The following NRIP1 variants were observed in gnomAD, a reference collection of about 807,000 sequenced individuals.
NRIP1 encodes the protein nuclear receptor interacting protein 1.
NRIP1 carries 28 observed loss-of-function variants against 75.0 expected under a neutral mutation model. The ratio of observed to expected loss-of-function variants is 0.37; its 90% CI spans 0.28 to 0.51. The LOEUF (loss-of-function observed/expected upper bound fraction) is 0.51, where lower values mean the gene tolerates loss of function less well. Ranked by LOEUF, NRIP1 falls within the 20% of genes least tolerant of loss-of-function variation. The probability of loss-of-function intolerance (pLI) is 0.92; values close to 1 mark genes in which losing one functional copy is unlikely to be tolerated. For missense variants in NRIP1, 1,435 were observed against 1,343.7 expected, an observed-to-expected ratio of 1.07 and a Z score of -1.06; for synonymous variants, 526 against 487.6, an observed-to-expected ratio of 1.08 and a Z score of -1.04.
chr21:14,978,120 T>G (rs531478652), intron 3 of NRIP1, among the ~76,000 whole-genome samples: 107 of 152,310 alleles, frequency 7.0e-4, no homozygotes, highest in African/African-American at 2.5e-3. Context: ...AGGAGTAAAA[T>G]AGTGTCATTC....
chr21:15,013,008 T>C (rs915441348), intron 3 of NRIP1, among the ~76,000 whole-genome samples: 18 of 152,096 alleles, frequency 1.2e-4, no homozygotes, highest in African/African-American at 4.3e-4. Flanking sequence ...TTTAATAGAA[T>C]TAGAAGTTCA....
At chr21:15,001,528 A>G (rs2087848664) in intron 3 of NRIP1, among the ~76,000 whole-genome samples, 1 of 152,218 alleles carries the variant, frequency 6.6e-6, no homozygotes, top group Admixed American at 6.5e-5. Flanking sequence ...CAAATTGTAC[A>G]CTACAAGTCT....
At chr21:15,010,116 A>G (rs540795054) in intron 3 of NRIP1, among the ~76,000 whole-genome samples, 12 of 152,162 alleles carry the variant, frequency 7.9e-5, no homozygotes, top group Non-Finnish European at 1.8e-4. Context: ...TTACTCATAT[A>G]CCTCTAATCC....
intron 1 of NRIP1, among the ~76,000 whole-genome samples, chr21:15,045,619 AACAAG>A (rs1193859509): frequency 6.6e-6 from 1 of 152,200 alleles, no homozygotes; most frequent in Non-Finnish European, 1.5e-5. Flanking sequence ...GATTTCTTAA[AACAAG>A]ACAACAATGA....
chr21:15,015,230 T>C (rs1415133079), intron 2 of NRIP1, among the ~76,000 whole-genome samples: 1 of 152,182 alleles, frequency 6.6e-6, no homozygotes, highest in Non-Finnish European at 1.5e-5. Context: ...ATTCATCTAT[T>C]GTGAAAGAAA....
Position 15,064,838 on chromosome 21 carries a change from C to A in NRIP1, c.-631G>T, listed in dbSNP as rs1287161616. ...TCCTGGCCCGGCGCCCCGGCGAGCTCTTCCCTCCGACCAGCGGCGCTCACG... is the reference window on the plus strand; with the variant it reads ...TCCTGGCCCGGCGCCCCGGCGAGCTATTCCCTCCGACCAGCGGCGCTCACG... On this transcript the variant is annotated 5_prime_UTR_variant, in exon 1 of 4. Coordinates refer to ENST00000318948, the MANE Select transcript of NRIP1 (RefSeq NM_003489.4). 1 of 148,346 alleles carries A rather than the reference C, an allele frequency of 6.7e-6. No individual in the cohort carries two copies. The highest frequency in any genetic ancestry group is 1.5e-5 in the Non-Finnish European group (1 of 66,498). The allele number at this position is 148,346 out of a possible 1,614,324, so 9.2% of individuals were successfully genotyped here. A position where few individuals can be genotyped will look rare whatever the true frequency, so the allele number is the denominator to read the frequency against.
At chr21:15,063,412 T>A (rs1978507714) in intron 1 of NRIP1, among the ~76,000 whole-genome samples, 1 of 152,236 alleles carries the variant, frequency 6.6e-6, no homozygotes, top group South Asian at 2.1e-4. Context: ...ATTATTTCAC[T>A]GTCTCTTCAA....
intron 2 of NRIP1, among the ~76,000 whole-genome samples, chr21:15,037,051 A>G (rs2088851327): frequency 6.6e-6 from 1 of 152,206 alleles, no homozygotes; most frequent in African/African-American, 2.4e-5. Flanking sequence ...TTTAAGCAAA[A>G]TAATAAGCAA....
chr21:14,967,038 T>G lies in NRIP1; in HGVS notation c.1155A>C (p.Lys385Asn). 8 of 1,614,190 alleles carry G rather than the reference T, an allele frequency of 5.0e-6. No individual in the cohort carries two copies. Among genetic ancestry groups the G allele is most frequent in the Non-Finnish European group, 6.8e-6 (8 of 1,180,016 alleles). The change falls in exon 4 of 4, where the codon AAA (lysine) becomes AAC (asparagine). Residue 385 changes from lysine (K) to asparagine (N), a missense_variant. Physicochemically the swap from Lys to Asn is moderately conservative, Grantham distance 94. Transcript: ENST00000318948. ...TCATTGGCTTAGGTATAGTCTGGCT[T>G]TTAAGAAGATGTAAAAGCAAACTAT... Reference protein sequence around the residue: ...ANNSLLLHLLKSQTIPKPMNG... With the variant: ...ANNSLLLHLLNSQTIPKPMNG...
In NRIP1 at chr21:14,967,893, C is replaced by A; in HGVS notation, c.300G>T (p.Arg100Ser). ...SEDWNAAKRKRLSDSIMNLNV... is the reference protein window; with the variant it reads ...SEDWNAAKRKSLSDSIMNLNV... The stretch of plus-strand genomic sequence containing the variant: ...TTAAATTCATGATAGAATCAGACAG[C>A]CTCTTCCGCTTTGCTGCATTCCAGT... Residue 100 changes from arginine to serine, a missense_variant, in exon 4 of 4, where the codon AGG becomes AGT. By Grantham distance (110) the Arg-to-Ser change is moderately radical. Transcript: ENST00000318948. 6.2e-7 allele frequency: 1 copy of A among 1,614,120 alleles called. No individual in the cohort carries two copies.
At chr21:15,009,620 AG>A (rs1367252895) in intron 3 of NRIP1, among the ~76,000 whole-genome samples, 1 of 152,250 alleles carries the variant, frequency 6.6e-6, no homozygotes, top group African/African-American at 2.4e-5. Context: ...AGTATTCTTC[AG>A]AAAGTAGGAG....
intron 1 of NRIP1, among the ~76,000 whole-genome samples, chr21:15,056,579 T>TC (rs930840565): frequency 1.3e-5 from 2 of 152,154 alleles, no homozygotes; most frequent in African/African-American, 4.8e-5. Context: ...AAGACATTCT[T>TC]CCCCCCATAT....
At chr21:14,986,484 T>C (rs563613142) in intron 3 of NRIP1, among the ~76,000 whole-genome samples, 25 of 152,170 alleles carry the variant, frequency 1.6e-4, no homozygotes, top group African/African-American at 6.0e-4. Flanking sequence ...TTTCAAAGAG[T>C]TTCAGATCCA....
chr21:15,047,346 CCTGG>C (rs1289954093), intron 1 of NRIP1, among the ~76,000 whole-genome samples: 1 of 152,100 alleles, frequency 6.6e-6, no homozygotes, highest in African/African-American at 2.4e-5. Flanking sequence ...CAGAGACCAT[CCTGG>C]CTAACATGGT....
At chr21:15,043,807 C>A (rs1016699982) in intron 1 of NRIP1, among the ~76,000 whole-genome samples, 1 of 151,786 alleles carries the variant, frequency 6.6e-6, no homozygotes, top group Admixed American at 6.5e-5. Flanking sequence ...AAATACACTA[C>A]CCAATTGTTT....
chr21:15,024,079 A>T (rs1180723974), intron 2 of NRIP1, among the ~76,000 whole-genome samples: 1 of 152,250 alleles, frequency 6.6e-6, no homozygotes, highest in Non-Finnish European at 1.5e-5. Flanking sequence ...ACAAAATATA[A>T]GAGGATATCT....
At chr21:15,052,474 T>A (rs1166543315) in intron 1 of NRIP1, 1 of 152,180 alleles carries the variant, frequency 6.6e-6, no homozygotes, top group Non-Finnish European at 1.5e-5. Flanking sequence ...TTTTTTTCCT[T>A]TTTAAAAGTA....
At chr21:15,051,011 T>C (rs1390876674) in intron 1 of NRIP1, 4 of 413,388 alleles carry the variant, frequency 9.7e-6, no homozygotes, top group Admixed American at 2.7e-5. Flanking sequence ...CTACAGCTAA[T>C]GCAAACTAGC....
In NRIP1 at chr21:14,966,935, T is replaced by C. The variant is rs754983265; in HGVS notation, c.1258A>G (p.Asn420Asp). 20 of 1,614,038 alleles carry C rather than the reference T, an allele frequency of 1.2e-5. No individual in the cohort carries two copies. Among genetic ancestry groups the C allele is most frequent in the Non-Finnish European group, 3.4e-6 (4 of 1,180,022 alleles). The change falls in exon 4 of 4, where the codon AAC becomes GAC. Residue 420 changes from asparagine (N) to aspartate (D), a missense_variant. Coordinates refer to ENST00000318948, the MANE Select transcript of NRIP1 (RefSeq NM_003489.4). ...TPTTIDEYSD[N>D]NPSFTDDSSG... is the part of the protein sequence containing the mutation. ...CTGTCATCTGTAAAACTAGGATTGT[T>C]ATCTGAATATTCATCAATAGTTGTA...
Sources: gnomAD v4.1 joint callset for allele counts (sites outside exome capture counted in the v4.1 genomes callset) on GRCh38, gnomAD v4.1.1 for gene constraint, MANE v1.5 for transcripts, NCBI Gene and HGNC (gene_info 2026-07-23, HGNC 2026-07-21) for gene names.